Variants in SCN8A observed in about 807,000 individuals in gnomAD.
SCN8A encodes the protein sodium voltage-gated channel alpha subunit 8, also known as sodium channel protein type 8 subunit alpha.
In SCN8A, 30 loss-of-function variants were observed where a neutral mutation model predicts 184.1. That is an observed-to-expected ratio of 0.16 (90% CI 0.12 to 0.22). SCN8A has a LOEUF of 0.22. Among genes scored for constraint, SCN8A ranks in the 10% least tolerant of loss-of-function variants. The pLI is 1.00. For missense variants in SCN8A, 1,057 were observed against 2,498.9 expected (o/e 0.42, Z 12.30); for synonymous variants, 852 against 907.0 (o/e 0.94, Z 1.09).
At chr12:51,763,817 C>A (rs1473015638) in intron 15 of SCN8A, among the ~76,000 whole-genome samples, 1 of 152,202 alleles carries the variant, frequency 6.6e-6, no homozygotes, top group Non-Finnish European at 1.5e-5. Flanking sequence ...GTTTTTCACT[C>A]CCTATTGGGA....
Position 51,809,635 on chromosome 12 carries a change from A to AT in SCN8A, c.*2208dup, listed in dbSNP as rs1432221731. 1 of 152,262 alleles carries AT rather than the reference A, an allele frequency of 6.6e-6. No homozygotes were observed. Among genetic ancestry groups the AT allele is most frequent in the Non-Finnish European group, 1.5e-5 (1 of 68,048 alleles). 9.4% of individuals were successfully genotyped at this position (152,262 alleles called of 1,614,324 possible). On this transcript the variant is annotated 3_prime_UTR_variant, in exon 27 of 27. Transcript: ENST00000627620. ...ATGTATAGTAACATGTACAGGCTAC[A>AT]TTGTAAACAGCACAAAACAGAAGCT...
intron 1 of SCN8A, among the ~76,000 whole-genome samples, chr12:51,636,304 G>T (rs1337165066): frequency 6.6e-6 from 1 of 152,070 alleles, no homozygotes; most frequent in East Asian, 1.9e-4. Context: ...CCGAGTATTT[G>T]TTTTTTAATA....
At chr12:51,788,620 GC>G in intron 22 of SCN8A, 74 bp from the exon 23 acceptor site, 1 of 1,173,010 alleles carries the variant, frequency 8.5e-7, no homozygotes, top group Admixed American at 2.2e-5. Flanking sequence ...CCTAAGCCTG[GC>G]CTTTGGGACC....
chr12:51,790,197 A>C (rs917980104), intron 24 of SCN8A, among the ~76,000 whole-genome samples: 5 of 152,224 alleles, frequency 3.3e-5, no homozygotes, highest in African/African-American at 4.8e-5. Context: ...GGAAGATCTT[A>C]GAAATCCTGA....
chr12:51,715,676 A>T (rs937388230), intron 11 of SCN8A, among the ~76,000 whole-genome samples: 2 of 150,886 alleles, frequency 1.3e-5, no homozygotes, highest in Admixed American at 6.6e-5. Context: ...AAAAAAAAAA[A>T]AAAAAATTAT....
At chr12:51,596,319 G>A (rs887978703) in intron 1 of SCN8A, among the ~76,000 whole-genome samples, 51 of 152,270 alleles carry the variant, frequency 3.3e-4, no homozygotes, top group Middle Eastern at 3.4e-3. Context: ...TCAGTCGATT[G>A]AGAAGGAGGT....
At chr12:51,611,401 G>A (rs970649049) in intron 1 of SCN8A, among the ~76,000 whole-genome samples, 1 of 152,102 alleles carries the variant, frequency 6.6e-6, no homozygotes, top group African/African-American at 2.4e-5. Context: ...CTGACCTTGT[G>A]ATCGCCTTCC....
At position 51,770,631 on chromosome 12, in the gene SCN8A, A is replaced by G. The variant is rs780745536; in HGVS notation, c.3593A>G (p.Asn1198Ser). The G allele has an allele frequency of 1.2e-6, 2 of 1,614,098 alleles. No individual in the cohort carries two copies. The highest frequency in any genetic ancestry group is 8.5e-7 in the Non-Finnish European group (1 of 1,179,996). Residue 1198 changes from asparagine to serine, a missense_variant, in exon 19 of 27, where the codon AAC becomes AGC. By Grantham distance (46) the Asn-to-Ser change is conservative. This residue lies in a region of SCN8A where 43 missense variants were observed against 118.4 expected (regional missense o/e 0.36). Coordinates refer to ENST00000627620, the MANE Select transcript of SCN8A (RefSeq NM_001330260.2). ...RKTCFLIVEHNWFETFIIFMI... is the reference protein window; with the variant it reads ...RKTCFLIVEHSWFETFIIFMI... ...ACCTGCTTCCTCATCGTGGAGCACA[A>G]CTGGTTTGAGACCTTCATCATCTTC...
intron 12 of SCN8A, among the ~76,000 whole-genome samples, chr12:51,737,775 A>G (rs1422421866): frequency 6.6e-6 from 1 of 152,238 alleles, no homozygotes; most frequent in South Asian, 2.1e-4. Context: ...CAAACCATTC[A>G]CAGTGTTGCT....
intron 12 of SCN8A, among the ~76,000 whole-genome samples, chr12:51,728,733 A>C (rs1321796743): frequency 0.093 from 1,304 of 14,012 alleles, 13 homozygotes; most frequent in African/African-American, 0.14. Flanking sequence ...CTGTTTCCCA[A>C]AAAAAAAAAA....
intron 1 of SCN8A, among the ~76,000 whole-genome samples, chr12:51,653,174 G>C (rs900284304): frequency 1.3e-5 from 2 of 152,136 alleles, no homozygotes; most frequent in Non-Finnish European, 2.9e-5. Context: ...ACAAAAATTA[G>C]CTGGGTGTGG....
rs58356368 is a variant in SCN8A at position 51,721,081 on chromosome 12, T to TTATATATATATATA, written c.1636-452_1636-439dup. Among the ~76,000 whole-genome samples, 290 of 86,750 alleles carry TTATATATATATATA rather than the reference T, an allele frequency of 3.3e-3. 7 individuals are homozygous for TTATATATATATATA. The highest frequency in any genetic ancestry group is 0.011 in the African/African-American group (235 of 21,466). The allele number at this position is 86,750 out of a possible 152,430, so 56.9% of individuals were successfully genotyped here. Reference sequence around the variant, plus strand: ...AAACTCCATCTCAAAAAAAAAAAAATTATATATATATATATATATATATAT... The same window carrying TTATATATATATATA: ...AAACTCCATCTCAAAAAAAAAAAAATTATATATATATATATATATATATATATATATATATATAT... On this transcript the variant is annotated intron_variant, in intron 11 of 26. Transcript: ENST00000627620.
intron 14 of SCN8A, among the ~76,000 whole-genome samples, chr12:51,756,468 G>A (rs1040915300): frequency 6.6e-6 from 1 of 152,138 alleles, no homozygotes; most frequent in Non-Finnish European, 1.5e-5. Context: ...CCCACTCCGG[G>A]ATCTTCTCCT....
chr12:51,664,148 A>G (rs1237986669), intron 2 of SCN8A, among the ~76,000 whole-genome samples: 1 of 151,990 alleles, frequency 6.6e-6, no homozygotes, highest in Non-Finnish European at 1.5e-5. Context: ...GATATGATGT[A>G]AAGAACGGTA....
intron 26 of SCN8A, among the ~76,000 whole-genome samples, chr12:51,796,832 G>A (rs1938424352): frequency 6.6e-6 from 1 of 152,210 alleles, no homozygotes; most frequent in South Asian, 2.1e-4. Context: ...TTATGTTCGA[G>A]GGCAGGAAGC....
At chr12:51,634,113 G>A (rs777289675) in intron 1 of SCN8A, among the ~76,000 whole-genome samples, 124 of 152,144 alleles carry the variant, frequency 8.2e-4, no homozygotes, top group Non-Finnish European at 1.6e-3. Context: ...ACTGCTATGG[G>A]AAAATGCATG....
chr12:51,643,235 C>T (rs1940494142), intron 1 of SCN8A, among the ~76,000 whole-genome samples: 1 of 152,058 alleles, frequency 6.6e-6, no homozygotes, highest in South Asian at 2.1e-4. Flanking sequence ...TGTCATGGTA[C>T]GGGGAAACCA....
At chr12:51,714,089 T>G (rs1027210670) in intron 11 of SCN8A, among the ~76,000 whole-genome samples, 1 of 152,190 alleles carries the variant, frequency 6.6e-6, no homozygotes, top group South Asian at 2.1e-4. Flanking sequence ...AGTATGATTT[T>G]CTTTGGTTAA....
At chr12:51,796,287 T>C (rs1406943108) in intron 26 of SCN8A, among the ~76,000 whole-genome samples, 2 of 152,090 alleles carry the variant, frequency 1.3e-5, no homozygotes, top group Non-Finnish European at 2.9e-5. Flanking sequence ...CAAGTGGGGA[T>C]TCAAGCCCAG....
Sources: allele counts gnomAD v4.1 joint callset (sites outside exome capture counted in the v4.1 genomes callset), GRCh38; gene constraint gnomAD v4.1.1; regional missense constraint gnomAD v4.1.1; transcripts MANE v1.5; gene names NCBI Gene and HGNC (gene_info 2026-07-23, HGNC 2026-07-21).